ANTXR1: variants seen among roughly 807,000 people sequenced by gnomAD.
ANTXR1 encodes ANTXR cell adhesion molecule 1.
In ANTXR1, 19 loss-of-function variants were observed where a neutral mutation model predicts 78.1. The observed-to-expected ratio is 0.24, with a 90% CI of 0.17 to 0.36. ANTXR1 has a LOEUF of 0.36. Ranked by LOEUF, ANTXR1 falls within the 10% of genes least tolerant of loss-of-function variation. ANTXR1 has a pLI of 1.00. For synonymous variants in ANTXR1, 273 were observed against 260.5 expected (o/e 1.05, Z -0.46); for missense variants, 518 against 718.6 (o/e 0.72, Z 3.19).
intron 13 of ANTXR1, among the ~76,000 whole-genome samples, chr2:69,164,535 T>C (rs1355441209): frequency 6.6e-6 from 1 of 152,178 alleles, no homozygotes; most frequent in Non-Finnish European, 1.5e-5. Flanking sequence ...GCCCATGTCT[T>C]CAAGAGCTTA....
chr2:69,013,391 G>T lies in ANTXR1; in HGVS notation c.-109G>T. 1 of 1,464,622 alleles carries T rather than the reference G, an allele frequency of 6.8e-7. No homozygotes were observed. The allele number at this position is 1,464,622 out of a possible 1,614,324, so 90.7% of individuals were successfully genotyped here. On this transcript the variant is annotated 5_prime_UTR_variant, in exon 1 of 18. Coordinates refer to ENST00000303714, the MANE Select transcript of ANTXR1 (RefSeq NM_032208.3). The surrounding 1 kb of genome is among the most constrained non-coding windows in gnomAD (Gnocchi z 5.0). ...CGGGGAGTTGCGAGGGAGCGAGGGG[G>T]AATAAAGGACCCGCGAGGAAGGGCC...
intron 17 of ANTXR1, among the ~76,000 whole-genome samples, chr2:69,199,228 C>G (rs1394872615): frequency 6.6e-6 from 1 of 152,196 alleles, no homozygotes; most frequent in Non-Finnish European, 1.5e-5. Context: ...GTTTCTGATT[C>G]AGAAGTTCTG....
At chr2:69,032,607 A>G (rs1036038987) in intron 1 of ANTXR1, among the ~76,000 whole-genome samples, 23 of 152,166 alleles carry the variant, frequency 1.5e-4, no homozygotes, top group Admixed American at 1.5e-3. Context: ...ATGGAGCCGC[A>G]GCTGTGCATT....
intron 10 of ANTXR1, among the ~76,000 whole-genome samples, chr2:69,112,649 G>T (rs1672025115): frequency 6.6e-6 from 1 of 152,184 alleles, no homozygotes; most frequent in Non-Finnish European, 1.5e-5. Context: ...AGGCATTAGG[G>T]TGTCAGTGTC....
chr2:69,049,115 T>C (rs958563777), intron 3 of ANTXR1, among the ~76,000 whole-genome samples: 1 of 152,104 alleles, frequency 6.6e-6, no homozygotes, highest in Non-Finnish European at 1.5e-5. Context: ...GGTGAACCTA[T>C]AGTTTGTGAT....
At chr2:69,180,452 T>C (rs1558626128) in intron 14 of ANTXR1, among the ~76,000 whole-genome samples, 2 of 152,254 alleles carry the variant, frequency 1.3e-5, no homozygotes, top group African/African-American at 4.8e-5. Context: ...ACAAGAATAA[T>C]TACAGTGCCA....
chr2:69,169,667 G>T (rs992719790), intron 13 of ANTXR1, among the ~76,000 whole-genome samples: 1 of 152,244 alleles, frequency 6.6e-6, no homozygotes, highest in Admixed American at 6.5e-5. Flanking sequence ...GTGCCCCTAA[G>T]TGTCAGTGCC....
chr2:69,160,999 G>A (rs559490279), intron 13 of ANTXR1, among the ~76,000 whole-genome samples: 2 of 152,282 alleles, frequency 1.3e-5, no homozygotes, highest in East Asian at 3.9e-4. Context: ...CAACAAGCTT[G>A]AACATCTTGT....
chr2:69,182,114 C>A (rs903602400), intron 15 of ANTXR1: 8 of 577,376 alleles, frequency 1.4e-5, no homozygotes, highest in African/African-American at 9.3e-5. Flanking sequence ...GGAGGGACAG[C>A]CTTTCACTGT....
intron 9 of ANTXR1, among the ~76,000 whole-genome samples, chr2:69,091,660 A>C (rs1671243661): frequency 6.6e-6 from 1 of 152,072 alleles, no homozygotes; most frequent in Non-Finnish European, 1.5e-5. Flanking sequence ...GCTATACTAA[A>C]GTTTTTAGTT....
At chr2:69,201,104 G>A (rs1050066467) in intron 17 of ANTXR1, among the ~76,000 whole-genome samples, 5 of 152,104 alleles carry the variant, frequency 3.3e-5, no homozygotes, top group Admixed American at 2.6e-4. Context: ...CCCTGCCCTC[G>A]AGGAACAGGG....
intron 3 of ANTXR1, among the ~76,000 whole-genome samples, chr2:69,046,503 A>G (rs1450498224): frequency 6.6e-6 from 1 of 152,196 alleles, no homozygotes; most frequent in Non-Finnish European, 1.5e-5. Context: ...GTTTGCTGGA[A>G]GCAGCATTTT....
At chr2:69,183,568 A>ATTTTTGTTTTTTG (rs1674334336) in intron 16 of ANTXR1, among the ~76,000 whole-genome samples, 1 of 118,378 alleles carries the variant, frequency 8.4e-6, no homozygotes, top group Non-Finnish European at 1.7e-5. Flanking sequence ...CACCCAGCTA[A>ATTTTTGTTTTTTG]TTTTTGTTTT....
chr2:69,083,320 C>T (rs553429983), intron 8 of ANTXR1, among the ~76,000 whole-genome samples: 1 of 152,342 alleles, frequency 6.6e-6, no homozygotes, highest in South Asian at 2.1e-4. Context: ...AGGCACATTT[C>T]AGCAGCAGCA....
At chr2:69,029,665 G>A (rs1388369949) in intron 1 of ANTXR1, among the ~76,000 whole-genome samples, 1 of 151,878 alleles carries the variant, frequency 6.6e-6, no homozygotes, top group Non-Finnish European at 1.5e-5. Context: ...TAATTATAAG[G>A]TTTTGAGTGA....
chr2:69,219,835 C>T (rs891166340), intron 17 of ANTXR1, among the ~76,000 whole-genome samples: 4 of 152,258 alleles, frequency 2.6e-5, no homozygotes, highest in East Asian at 3.9e-4. Flanking sequence ...GACTGAAGTG[C>T]CCACAGACTC....
intron 12 of ANTXR1, among the ~76,000 whole-genome samples, chr2:69,127,653 G>C (rs968956295): frequency 6.6e-6 from 1 of 152,110 alleles, no homozygotes; most frequent in Non-Finnish European, 1.5e-5. Context: ...AGGTGATGAT[G>C]GGTTGAATCA....
chr2:69,134,088 GA>G (rs964475097), intron 12 of ANTXR1, among the ~76,000 whole-genome samples: 26 of 152,284 alleles, frequency 1.7e-4, no homozygotes, highest in African/African-American at 5.8e-4. Flanking sequence ...TGAATTAGCA[GA>G]AGTATAGTAT....
At chr2:69,233,809 T>C (rs1675685456) in intron 17 of ANTXR1, among the ~76,000 whole-genome samples, 1 of 151,676 alleles carries the variant, frequency 6.6e-6, no homozygotes, top group African/African-American at 2.4e-5. Context: ...TAAGTAAATA[T>C]TAGAAATGGA....
Sources: gnomAD v4.1 joint callset for allele counts (sites outside exome capture counted in the v4.1 genomes callset) on GRCh38, gnomAD v4.1.1 for gene constraint, Gnocchi (gnomAD v3.1) non-coding constraint, MANE v1.5 for transcripts, NCBI Gene and HGNC (gene_info 2026-07-23, HGNC 2026-07-21) for gene names.